The following PLA2R1 variants were observed in gnomAD, a reference collection of about 807,000 sequenced individuals.
PLA2R1 encodes the protein phospholipase A2 receptor 1, also known as secretory phospholipase A2 receptor.
A neutral mutation model predicts 195.9 loss-of-function variants in PLA2R1; 158 were observed. The observed-to-expected ratio is 0.81, with a 90% CI of 0.71 to 0.92. PLA2R1 has a LOEUF of 0.92. Ranked by LOEUF, PLA2R1 falls within the 40% of genes least tolerant of loss-of-function variation. The pLI, the probability that PLA2R1 is intolerant of heterozygous loss-of-function variation, is 0.00. For synonymous variants in PLA2R1, 586 were observed against 598.2 expected (o/e 0.98, Z 0.30); for missense variants, 1,626 against 1,764.6 (o/e 0.92, Z 1.41).
At chr2:159,924,735 G>GC in the PLA2R1 span, among the ~76,000 whole-genome samples, 1 of 150,354 alleles carries the variant, frequency 6.7e-6, no homozygotes, top group South Asian at 2.1e-4. Flanking sequence ...GGGCTGGGGG[G>GC]GGGGCGGTGC....
chr2:160,020,195 C>T lies in PLA2R1; in HGVS notation c.1363G>A (p.Asp455Asn). Residue 455 changes from aspartate (D) to asparagine (N), a missense_variant, in exon 8 of 30, where the codon GAC becomes AAC. Transcript: ENST00000283243. ...KIPVSFEWSNDSSVIFTNWHT... is the reference protein window; with the variant it reads ...KIPVSFEWSNNSSVIFTNWHT... The stretch of plus-strand genomic sequence containing the variant: ...CAATTAGTAAAGATGACTGAAGAGT[C>T]ATTAGACCATTCAAAGGAAACTGGA... 4 of 1,611,762 alleles carry T rather than the reference C, an allele frequency of 2.5e-6. No individual in the cohort carries two copies. Among genetic ancestry groups the T allele is most frequent in the Non-Finnish European group, 3.4e-6 (4 of 1,177,896 alleles).
chr2:159,928,276 C>T (rs1339530546), downstream of PLA2R1, among the ~76,000 whole-genome samples: 3 of 152,160 alleles, frequency 2.0e-5, no homozygotes, highest in Non-Finnish European at 4.4e-5. Flanking sequence ...TGACAAGTTC[C>T]TCAGGTCTAG....
At chr2:159,931,156 G>A (rs995970993), downstream of PLA2R1, among the ~76,000 whole-genome samples, 8 of 152,194 alleles carry the variant, frequency 5.3e-5, no homozygotes, top group Admixed American at 5.2e-4. Flanking sequence ...TCCCTCATAC[G>A]CTTAGCACCA....
At chr2:160,014,280 C>A (rs187648542) in intron 9 of PLA2R1, among the ~76,000 whole-genome samples, 2 of 145,996 alleles carry the variant, frequency 1.4e-5, no homozygotes, top group East Asian at 2.0e-4. Flanking sequence ...AACTGGCTGG[C>A]CTTTTGGAGG....
At chr2:159,963,235 G>T (rs2105204252) in intron 20 of PLA2R1, among the ~76,000 whole-genome samples, 1 of 152,272 alleles carries the variant, frequency 6.6e-6, no homozygotes, top group South Asian at 2.1e-4. Context: ...ATACTGGAGT[G>T]AATTCAAAAT....
At chr2:159,965,401 T>C (rs1000621582) in intron 20 of PLA2R1, among the ~76,000 whole-genome samples, 3 of 152,202 alleles carry the variant, frequency 2.0e-5, no homozygotes, top group Non-Finnish European at 4.4e-5. Flanking sequence ...CATACAGTAT[T>C]GTAGGCTTTT....
At position 160,016,592 on chromosome 2, in the gene PLA2R1, T is replaced by C. The variant is rs190879176; in HGVS notation, c.1551+22A>G. The C allele has an allele frequency of 2.2e-4, 267 of 1,229,958 alleles. No individual in the cohort carries two copies. The African/African-American group carries it at 3.5e-3, about 16-fold the overall frequency. The allele number at this position is 1,229,958 out of a possible 1,614,324, so 76.2% of individuals were successfully genotyped here. A position where few individuals can be genotyped will look rare whatever the true frequency, so the allele number is the denominator to read the frequency against. On this transcript the variant is annotated intron_variant, in intron 9 of 29. Coordinates refer to ENST00000283243, the MANE Select transcript of PLA2R1 (RefSeq NM_007366.5). ...TAGCTATGAAGTCCCTGTACCTAAATTGCAATGTTAACAGCACTTACCTCT... is the reference window on the plus strand; with the variant it reads ...TAGCTATGAAGTCCCTGTACCTAAACTGCAATGTTAACAGCACTTACCTCT...
chr2:160,041,976 C>A, intron 3 of PLA2R1, 49 bp downstream of exon 3: 1 of 1,429,036 alleles, frequency 7.0e-7, no homozygotes, highest in Non-Finnish European at 9.7e-7. Context: ...ACTTTCTAAT[C>A]ATCTTTGATT....
At chr2:160,038,425 T>TG (rs1170955225) in intron 3 of PLA2R1, among the ~76,000 whole-genome samples, 3 of 152,194 alleles carry the variant, frequency 2.0e-5, no homozygotes, top group Non-Finnish European at 4.4e-5. Context: ...CCAACGCTGC[T>TG]GGAACGGGGA....
chr2:160,001,979 T>A (rs905400582), intron 11 of PLA2R1, among the ~76,000 whole-genome samples: 2 of 150,952 alleles, frequency 1.3e-5, no homozygotes, highest in Non-Finnish European at 3.0e-5. Flanking sequence ...GATGAAGCAT[T>A]TCAGGTAGCA....
chr2:160,060,134 A>G (rs1168373203), intron 1 of PLA2R1, among the ~76,000 whole-genome samples: 1 of 152,264 alleles, frequency 6.6e-6, no homozygotes, highest in Non-Finnish European at 1.5e-5. Context: ...CTGTATGTAT[A>G]ATCTGCTGTG....
At chr2:159,926,331 T>C in the PLA2R1 span, among the ~76,000 whole-genome samples, 2 of 152,226 alleles carry the variant, frequency 1.3e-5, no homozygotes, top group Non-Finnish European at 2.9e-5. Flanking sequence ...TATAGTGTAA[T>C]TTAAAATAAT....
At chr2:160,003,064 A>C (rs979264681) in intron 11 of PLA2R1, among the ~76,000 whole-genome samples, 1 of 152,006 alleles carries the variant, frequency 6.6e-6, no homozygotes, top group African/African-American at 2.4e-5. Context: ...AGAAAATGAG[A>C]ATGTAGGTTA....
At chr2:159,971,514 A>G (rs1378434432) in intron 17 of PLA2R1, among the ~76,000 whole-genome samples, 2 of 152,012 alleles carry the variant, frequency 1.3e-5, no homozygotes, top group East Asian at 3.9e-4. Context: ...ATTAGGGCAG[A>G]TGTACTGACT....
chr2:159,972,696 T>C (rs765462940), intron 17 of PLA2R1, among the ~76,000 whole-genome samples: 6 of 152,192 alleles, frequency 3.9e-5, no homozygotes, highest in Non-Finnish European at 8.8e-5. Flanking sequence ...CAATACTGCA[T>C]AACAGTGTAA....
At chr2:159,996,715 C>G (rs1053704026) in intron 11 of PLA2R1, among the ~76,000 whole-genome samples, 2 of 151,982 alleles carry the variant, frequency 1.3e-5, no homozygotes, top group African/African-American at 4.8e-5. Context: ...ATATTCTGTT[C>G]TGTTTCAGTC....
intron 10 of PLA2R1, among the ~76,000 whole-genome samples, chr2:160,011,871 A>G (rs2667014): frequency 0.76 from 115,015 of 152,088 alleles, 43,827 homozygotes; most frequent in East Asian, 0.88. Flanking sequence ...GCTATATTTC[A>G]ACGGGAGGAT....
intron 8 of PLA2R1, among the ~76,000 whole-genome samples, chr2:160,017,887 T>TC (rs1251471009): frequency 6.6e-6 from 1 of 151,980 alleles, no homozygotes; most frequent in Non-Finnish European, 1.5e-5. Context: ...CCTGCATCGC[T>TC]CCCCCATGGA....
At chr2:159,942,087 C>T (rs1374143042) in intron 29 of PLA2R1, 40 bp downstream of exon 29, 4 of 1,598,154 alleles carry the variant, frequency 2.5e-6, no homozygotes, top group African/African-American at 2.7e-5. Flanking sequence ...CTTATTATTT[C>T]TAAGAAAAAT....
Sources: gnomAD v4.1 joint callset for allele counts (sites outside exome capture counted in the v4.1 genomes callset) on GRCh38, gnomAD v4.1.1 for gene constraint, MANE v1.5 for transcripts, NCBI Gene and HGNC (gene_info 2026-07-23, HGNC 2026-07-21) for gene names.